UBE2K: variants seen among roughly 807,000 people sequenced by gnomAD.
UBE2K encodes ubiquitin conjugating enzyme E2 K, also known as ubiquitin-conjugating enzyme E2 K.
A neutral mutation model predicts 30.0 loss-of-function variants in UBE2K; 6 were observed. That is an observed-to-expected ratio of 0.20 (90% CI 0.11 to 0.39). UBE2K has a LOEUF of 0.39. Among genes scored for constraint, UBE2K ranks in the 10% least tolerant of loss-of-function variants. UBE2K has a pLI of 1.00. For synonymous variants in UBE2K, 86 were observed against 83.7 expected, an observed-to-expected ratio of 1.03 and a Z score of -0.15; for missense variants, 61 against 241.6, an observed-to-expected ratio of 0.25 and a Z score of 4.96.
chr4:39,757,922 C>T (rs17439205), intron 4 of UBE2K, among the ~76,000 whole-genome samples: 402 of 152,298 alleles, frequency 2.6e-3, no homozygotes, highest in Non-Finnish European at 3.7e-3. Context: ...TCCTTTCTAG[C>T]TGCACTCACT....
intron 1 of UBE2K, among the ~76,000 whole-genome samples, chr4:39,724,610 ATACAAAAAT>A (rs1719633123): frequency 9.7e-6 from 1 of 102,600 alleles, no homozygotes; most frequent in African/African-American, 3.6e-5. Flanking sequence ...AAAAAAAAAA[ATACAAAAAT>A]TAGCTAGGCA....
At chr4:39,725,203 T>C (rs1719677356) in intron 1 of UBE2K, among the ~76,000 whole-genome samples, 1 of 151,842 alleles carries the variant, frequency 6.6e-6, no homozygotes, top group East Asian at 1.9e-4. Flanking sequence ...AATGGAGACA[T>C]GGCGAACCGT....
chr4:39,768,522 T>C (rs985173993), intron 4 of UBE2K, among the ~76,000 whole-genome samples: 2 of 151,978 alleles, frequency 1.3e-5, no homozygotes, highest in African/African-American at 4.8e-5. Context: ...GAGTTTGGCT[T>C]TTTGTTTTGA....
intron 3 of UBE2K, among the ~76,000 whole-genome samples, chr4:39,750,870 G>A (rs1023041493): frequency 3.3e-5 from 5 of 151,192 alleles, no homozygotes; most frequent in East Asian, 1.9e-4. Context: ...CTCAGCCTTC[G>A]AGTAGCTTGG....
Position 39,706,872 on chromosome 4 carries a change from A to G in UBE2K, c.63+8482A>G, listed in dbSNP as rs983100376. On this transcript the variant is annotated intron_variant, in intron 1 of 6. Coordinates refer to ENST00000261427, the MANE Select transcript of UBE2K (RefSeq NM_005339.5). ...ATGGGAGGGGCAAAGTGTAAATGCT[A>G]TGGGATTCTGAGGGTATTTGAATGA... Among the ~76,000 whole-genome samples the G allele has an allele frequency of 3.3e-5, 5 of 152,080 alleles. No individual in the cohort carries two copies. The East Asian group carries it at 7.7e-4, about 23-fold the overall frequency.
chr4:39,721,676 A>G (rs1295556056), intron 1 of UBE2K, among the ~76,000 whole-genome samples: 1 of 152,184 alleles, frequency 6.6e-6, no homozygotes, highest in East Asian at 1.9e-4. Flanking sequence ...CTTTTTATCA[A>G]TAAAATTTTG....
chr4:39,752,885 C>T (rs1721342085), intron 3 of UBE2K, among the ~76,000 whole-genome samples: 1 of 151,696 alleles, frequency 6.6e-6, no homozygotes, highest in Non-Finnish European at 1.5e-5. Context: ...GCACTGTGGC[C>T]CACTCATGCC....
At chr4:39,721,503 G>GCCA (rs759643842) in intron 1 of UBE2K, among the ~76,000 whole-genome samples, 1 of 151,948 alleles carries the variant, frequency 6.6e-6, no homozygotes, top group Non-Finnish European at 1.5e-5. Flanking sequence ...ACAGGCACGT[G>GCCA]CCACCACGCC....
intron 1 of UBE2K, among the ~76,000 whole-genome samples, chr4:39,728,290 C>G (rs1170880601): frequency 6.6e-6 from 1 of 152,126 alleles, no homozygotes; most frequent in Non-Finnish European, 1.5e-5. Context: ...ACATGTACAT[C>G]AGTTAAAATA....
At chr4:39,734,661 C>A (rs302951) in intron 1 of UBE2K, among the ~76,000 whole-genome samples, 125,345 of 151,916 alleles carry the variant, frequency 0.83, 52,226 homozygotes, top group African/African-American at 0.93. Flanking sequence ...AAATTTAAAA[C>A]TTTAGCCAGG....
Position 39,779,042 on chromosome 4 carries a change from A to ACAC in UBE2K, c.*609_*610insACC, listed in dbSNP as rs1713442015. On this transcript the variant is annotated 3_prime_UTR_variant, in exon 7 of 7. Transcript: ENST00000261427. ...TGGGACAGTGTCTGATTCCCCCTTC[A>ACAC]CCCCCCCCACCCCCGCCTTGCCACA... is the stretch of plus-strand genomic sequence containing the variant. 1 of 128,224 alleles carries ACAC rather than the reference A, an allele frequency of 7.8e-6. No homozygotes were observed. Among genetic ancestry groups the ACAC allele is most frequent in the East Asian group, 2.2e-4 (1 of 4,468 alleles). The allele number at this position is 128,224 out of a possible 1,614,324, so 7.9% of individuals were successfully genotyped here.
At chr4:39,748,001 C>G (rs1721068705) in intron 3 of UBE2K, among the ~76,000 whole-genome samples, 1 of 151,866 alleles carries the variant, frequency 6.6e-6, no homozygotes, top group Admixed American at 6.6e-5. Flanking sequence ...GGCATTTCAC[C>G]ATGTTGGCCA....
chr4:39,766,181 T>G (rs1194510581), intron 4 of UBE2K, among the ~76,000 whole-genome samples: 2 of 142,816 alleles, frequency 1.4e-5, no homozygotes, highest in Non-Finnish European at 3.0e-5. Flanking sequence ...CTGTGTGTGT[T>G]TTTGTTTTTT....
At position 39,730,219 on chromosome 4, in the gene UBE2K, C is replaced by T. The variant is rs544096492; in HGVS notation, c.64-7201C>T. The stretch of plus-strand genomic sequence containing the variant: ...TTTTTTTAAGAGATGGAGTCTCACT[C>T]TGTCACACAGGCTGGTGTGTAGTGG... On this transcript the variant is annotated intron_variant, in intron 1 of 6. Coordinates refer to ENST00000261427, the MANE Select transcript of UBE2K (RefSeq NM_005339.5). 4.6e-5 allele frequency among the ~76,000 whole-genome samples: 7 copies of T among 152,268 alleles called. No homozygotes were observed. The South Asian group carries it at 1.2e-3, about 27-fold the overall frequency.
intron 3 of UBE2K, among the ~76,000 whole-genome samples, chr4:39,751,328 T>C (rs576930230): frequency 6.6e-6 from 1 of 152,306 alleles, no homozygotes; most frequent in South Asian, 2.1e-4. Context: ...TTGGCTTTTT[T>C]CCTATGTATC....
Position 39,739,253 on chromosome 4 carries a change from G to A in UBE2K, c.157+1740G>A, listed in dbSNP as rs867575654. Among the ~76,000 whole-genome samples the A allele has an allele frequency of 2.0e-5, 3 of 150,666 alleles. No homozygotes were observed. In the East Asian group the frequency reaches 5.9e-4, roughly 30 times the overall value. ...TCACCGTGTTAGCCAGAATGGTCTC[G>A]ATCTCCTGACCTCGTGATCTGCCAG... is the stretch of plus-strand genomic sequence containing the variant. On this transcript the variant is annotated intron_variant, in intron 2 of 6. Transcript: ENST00000261427.
At chr4:39,770,575 C>T (rs1712727261) in intron 4 of UBE2K, 9 of 1,583,718 alleles carry the variant, frequency 5.7e-6, no homozygotes, top group African/African-American at 4.0e-5. Context: ...CCCGAGGTGG[C>T]CCCCACGCTG....
In UBE2K at chr4:39,782,115, C is replaced by T; in HGVS notation, c.*3681C>T. On this transcript the variant is annotated 3_prime_UTR_variant, in exon 7 of 7. Coordinates refer to ENST00000261427, the MANE Select transcript of UBE2K (RefSeq NM_005339.5). ...CTGCTTCATTGGACTGATACACCCT[C>T]ATGAACTTGCAATCACCTAAATGGA... is the stretch of plus-strand genomic sequence containing the variant. 2.5e-6 allele frequency: 1 copy of T among 394,838 alleles called. No homozygotes were observed. Among genetic ancestry groups the T allele is most frequent in the East Asian group, 3.6e-5 (1 of 27,920 alleles). 24.5% of individuals were successfully genotyped at this position (394,838 alleles called of 1,614,324 possible). A position where few individuals can be genotyped will look rare whatever the true frequency, so the allele number is the denominator to read the frequency against.
intron 2 of UBE2K, among the ~76,000 whole-genome samples, chr4:39,745,108 C>T (rs1194710937): frequency 6.6e-6 from 1 of 152,124 alleles, no homozygotes; most frequent in African/African-American, 2.4e-5. Flanking sequence ...TTAAGCAGTC[C>T]TCCCACCTCG....
Sources: allele counts gnomAD v4.1 joint callset (sites outside exome capture counted in the v4.1 genomes callset), GRCh38; gene constraint gnomAD v4.1.1; transcripts MANE v1.5; gene names NCBI Gene and HGNC (gene_info 2026-07-23, HGNC 2026-07-21).